MBOAT7: variants seen among roughly 807,000 people sequenced by gnomAD.
The protein encoded by MBOAT7 is membrane-bound acylglycerophosphatidylinositol O-acyltransferase MBOAT7.
MBOAT7 carries 40 observed loss-of-function variants against 47.4 expected under a neutral mutation model. The observed-to-expected ratio is 0.84, with a 90% CI of 0.66 to 1.10. The LOEUF (loss-of-function observed/expected upper bound fraction) is 1.10. Among genes scored for constraint, MBOAT7 ranks in the 50% least tolerant of loss-of-function variants. The probability of loss-of-function intolerance (pLI) is 0.00; values close to 1 mark genes in which losing one functional copy is unlikely to be tolerated. For synonymous variants in MBOAT7, 361 were observed against 292.0 expected (o/e 1.24, Z -2.41); for missense variants, 680 against 655.6 (o/e 1.04, Z -0.41).
At chr19:54,175,554 C>G (rs1036771883) in intron 7 of MBOAT7, among the ~76,000 whole-genome samples, 1 of 152,160 alleles carries the variant, frequency 6.6e-6, no homozygotes, top group Admixed American at 6.5e-5. Flanking sequence ...CAAGGCCCAG[C>G]ACCATCTTTC....
rs771767925 is a variant in MBOAT7 at position 54,187,242 on chromosome 19, C to A, written c.252G>T (p.Leu84=). Residue 84 remains leucine (L), a synonymous_variant, in exon 4 of 8, where the codon CTG becomes CTT. Transcript: ENST00000245615. ...CCAGGAGGCTGAGGGCTCGGAAGAA[C>A]AGGAGATAGGAGAAAGTCCAGGCCA... ...LALAWTFSYL[L]FFRALSLLGL... 6.2e-7 allele frequency: 1 copy of A among 1,610,114 alleles called. No individual in the cohort carries two copies. Among genetic ancestry groups the A allele is most frequent in the South Asian group, 1.1e-5 (1 of 90,424 alleles).
chr19:54,176,327 C>T (rs978554121), intron 7 of MBOAT7, among the ~76,000 whole-genome samples: 9 of 152,132 alleles, frequency 5.9e-5, no homozygotes, highest in African/African-American at 2.2e-4. Context: ...CATTGGCTTT[C>T]TGGTTCTTCA....
At chr19:54,179,027 T>C in intron 6 of MBOAT7, 86 bp from the exon 7 acceptor site, 1 of 1,528,798 alleles carries the variant, frequency 6.5e-7, no homozygotes, top group South Asian at 1.2e-5. Flanking sequence ...CAGCCCCGGA[T>C]GCTAAGGAAG....
At chr19:54,178,306 C>T (rs966756353) in intron 7 of MBOAT7, 8 of 1,015,858 alleles carry the variant, frequency 7.9e-6, no homozygotes, top group Non-Finnish European at 9.4e-6. Flanking sequence ...AAAATGAATA[C>T]ACAGCACGCA....
Position 54,174,336 on chromosome 19 carries a change from T to C in MBOAT7, c.1127A>G (p.Glu376Gly), listed in dbSNP as rs752897213. The C allele has an allele frequency of 5.6e-6, 9 of 1,612,918 alleles. No individual in the cohort carries two copies. The highest frequency in any genetic ancestry group is 7.6e-6 in the Non-Finnish European group (9 of 1,179,492). The change falls in exon 8 of 8, where the codon GAG becomes GGG. Residue 376 changes from glutamate to glycine, a missense_variant. Physicochemically the swap from Glu to Gly is moderately conservative, Grantham distance 98. Coordinates refer to ENST00000245615, the MANE Select transcript of MBOAT7 (RefSeq NM_024298.5). ...CCGCAGGGCTGACTCCAGCCGGCCC[T>C]CGGCAGCCAGGCACAGCGGGATGGT... ...FLTIPLCLAA[E>G]GRLESALRGR...
intron 5 of MBOAT7, among the ~76,000 whole-genome samples, chr19:54,182,255 C>CAAATTAA (rs1228698115): frequency 6.6e-6 from 1 of 151,138 alleles, no homozygotes; most frequent in Non-Finnish European, 1.5e-5. Context: ...AAAAAAAAAA[C>CAAATTAA]AAATTAAAAT....
Position 54,180,798 on chromosome 19 carries a change from TG to T in MBOAT7, c.828del (p.Thr277ProfsTer46). ...VAAKARAGGG[P>X]TLQCPPPSSP... ...CTGCTGGGGGGTGGGCATTGGAGGGTGGGGCCGCCTCCGGCCCGGGCTTTGG... is the reference window on the plus strand; with the variant it reads ...CTGCTGGGGGGTGGGCATTGGAGGGTGGGCCGCCTCCGGCCCGGGCTTTGG... On this transcript the variant is annotated frameshift_variant, in exon 6 of 8. Transcript: ENST00000245615. LOFTEE classifies it high-confidence loss of function. The surrounding 1 kb of genome is among the most constrained non-coding windows in gnomAD (Gnocchi z 5.2). The T allele has an allele frequency of 7.3e-7, 1 of 1,364,540 alleles. No individual in the cohort carries two copies. 84.5% of individuals were successfully genotyped at this position (1,364,540 alleles called of 1,614,324 possible). A position where few individuals can be genotyped will look rare whatever the true frequency, so the allele number is the denominator to read the frequency against.
chr19:54,185,134 C>T (rs1335045148), intron 4 of MBOAT7, among the ~76,000 whole-genome samples: 3 of 151,038 alleles, frequency 2.0e-5, no homozygotes, highest in Non-Finnish European at 4.4e-5. Context: ...CGCTCGAACC[C>T]GAGAGGCAGA....
At position 54,187,072 on chromosome 19, in the gene MBOAT7, T is replaced by TC; in HGVS notation, c.333+88dup. ...CCCCCAGGGTGTGTTGGAGGTAAAA[T>TC]CCCGGGGAGCCACTGAAGGGGGAGG... On this transcript the variant is annotated intron_variant, in intron 4 of 7. Coordinates refer to ENST00000245615, the MANE Select transcript of MBOAT7 (RefSeq NM_024298.5). 9 of 1,451,444 alleles carry TC rather than the reference T, an allele frequency of 6.2e-6. 1 individual carries two copies. The South Asian group carries it at 8.0e-5, about 13-fold the overall frequency. The allele number at this position is 1,451,444 out of a possible 1,614,324, so 89.9% of individuals were successfully genotyped here. A position where few individuals can be genotyped will look rare whatever the true frequency, so the allele number is the denominator to read the frequency against.
At position 54,174,677 on chromosome 19, in the gene MBOAT7, CCAG is replaced by C. The variant is rs1216338726; in HGVS notation, c.1032-249_1032-247del. 1.7e-4 allele frequency among the ~76,000 whole-genome samples: 25 copies of C among 143,534 alleles called. No individual in the cohort carries two copies. In the Admixed American group the frequency reaches 1.8e-3, roughly 10 times the overall value. The allele number at this position is 143,534 out of a possible 152,430, so 94.2% of individuals were successfully genotyped here. ...ACCCCACCTCCCTCCTCCCTCAGAT[CCAG>C]GAGTCCAGACCCCACTTCCCTCCTC... On this transcript the variant is annotated intron_variant, in intron 7 of 7. Transcript: ENST00000245615.
chr19:54,188,027 A>AAGACAGAAAGAC (rs2076488190), intron 3 of MBOAT7, among the ~76,000 whole-genome samples, 190 bp downstream of exon 3: 2 of 81,246 alleles, frequency 2.5e-5, no homozygotes, highest in African/African-American at 9.8e-5. Context: ...GAAAGAAAGA[A>AAGACAGAAAGAC]AGAAAGAAAG....
intron 3 of MBOAT7, 102 bp downstream of exon 3, chr19:54,188,115 G>A (rs2076504802): frequency 1.8e-6 from 2 of 1,130,814 alleles, no homozygotes; most frequent in Non-Finnish European, 2.5e-6. Context: ...ATCAACAAGA[G>A]ACAGCTAGAC....
rs1473116816 is a variant in MBOAT7 at position 54,183,407 on chromosome 19, G to A, written c.493+114C>T. On this transcript the variant is annotated intron_variant, in intron 5 of 7. Transcript: ENST00000245615. ...CAGACACATGCCCACCCTCACAGCA[G>A]CAGATGCTAGGATGGAGGTTGCCCT... 5 of 1,237,510 alleles carry A rather than the reference G, an allele frequency of 4.0e-6. No individual in the cohort carries two copies. In the African/African-American group the frequency reaches 4.6e-5, roughly 11 times the overall value. The allele number at this position is 1,237,510 out of a possible 1,614,324, so 76.7% of individuals were successfully genotyped here.
chr19:54,184,624 C>T (rs558135089), intron 4 of MBOAT7, among the ~76,000 whole-genome samples: 15 of 152,098 alleles, frequency 9.9e-5, no homozygotes, highest in African/African-American at 3.1e-4. Flanking sequence ...TAATTTTGGC[C>T]GGGCGCGGTG....
At chr19:54,187,077 G>A in intron 4 of MBOAT7, 84 bp downstream of exon 4, 2 of 1,465,702 alleles carry the variant, frequency 1.4e-6, no homozygotes, top group Non-Finnish European at 1.8e-6. Flanking sequence ...TAAAATCCCG[G>A]GGAGCCACTG....
rs561191541 is a variant in MBOAT7 at position 54,186,581 on chromosome 19, T to C, written c.333+580A>G. On this transcript the variant is annotated intron_variant, in intron 4 of 7. Coordinates refer to ENST00000245615, the MANE Select transcript of MBOAT7 (RefSeq NM_024298.5). ...CCTGAAATGCTCCTCCACGAACCCC[T>C]CTCTCATCCAACCTACTCCTGCCAC... 3.9e-5 allele frequency among the ~76,000 whole-genome samples: 6 copies of C among 152,044 alleles called. No homozygotes were observed. The South Asian group carries it at 1.0e-3, about 26-fold the overall frequency.
At chr19:54,174,493 G>T (rs2076022105) in intron 7 of MBOAT7, 62 bp from the exon 8 acceptor site, 6 of 1,447,624 alleles carry the variant, frequency 4.1e-6, no homozygotes, top group Non-Finnish European at 5.5e-6. Flanking sequence ...ACTGCCCCCA[G>T]ATCCAGGAGT....
chr19:54,185,808 G>C (rs1220369558), intron 4 of MBOAT7, among the ~76,000 whole-genome samples: 1 of 151,806 alleles, frequency 6.6e-6, no homozygotes, highest in African/African-American at 2.4e-5. Context: ...CAATTATCCT[G>C]CCTCAGCCTC....
intron 4 of MBOAT7, among the ~76,000 whole-genome samples, chr19:54,185,125 G>A (rs1397030233): frequency 4.6e-5 from 7 of 151,702 alleles, no homozygotes; most frequent in South Asian, 4.2e-4. Flanking sequence ...CAGGAGAATC[G>A]CTCGAACCCG....
Sources: gnomAD v4.1 joint callset for allele counts (sites outside exome capture counted in the v4.1 genomes callset) on GRCh38, gnomAD v4.1.1 for gene constraint, Gnocchi (gnomAD v3.1) non-coding constraint, MANE v1.5 for transcripts, NCBI Gene and HGNC (gene_info 2026-07-23, HGNC 2026-07-21) for gene names.